EPS15: variants seen among roughly 807,000 people sequenced by gnomAD.
The protein encoded by EPS15 is epidermal growth factor receptor pathway substrate 15, also known as epidermal growth factor receptor substrate 15.
Under a neutral mutation model 113.8 loss-of-function variants are expected in EPS15, and 72 were observed. The ratio of observed to expected loss-of-function variants is 0.63; its 90% CI spans 0.52 to 0.77. The LOEUF (loss-of-function observed/expected upper bound fraction) is 0.77, where lower values mean the gene tolerates loss of function less well. Among genes scored for constraint, EPS15 ranks in the 30% least tolerant of loss-of-function variants. The pLI is 0.00. For missense variants in EPS15, 1,048 were observed against 1,045.8 expected (o/e 1.00, Z -0.03); for synonymous variants, 344 against 363.4 (o/e 0.95, Z 0.61).
chr1:51,488,472 T>TAAAAAAAAAAAAAA (rs71063033), intron 1 of EPS15, among the ~76,000 whole-genome samples: 97 of 85,288 alleles, frequency 1.1e-3, no homozygotes, highest in Non-Finnish European at 1.5e-3. Flanking sequence ...TAAAGTTTTG[T>TAAAAAAAAAAAAAA]AAAAAAAAAA....
intron 13 of EPS15, among the ~76,000 whole-genome samples, chr1:51,420,230 A>T (rs186279469): frequency 3.9e-5 from 6 of 152,292 alleles, no homozygotes; most frequent in African/African-American, 1.2e-4. Context: ...CTGATGGACA[A>T]CAAAACTTCT....
intron 13 of EPS15, among the ~76,000 whole-genome samples, chr1:51,415,468 T>C (rs1650116417): frequency 6.6e-6 from 1 of 152,036 alleles, no homozygotes; most frequent in African/African-American, 2.4e-5. Context: ...AATTAATGTC[T>C]CTCTATGTCT....
chr1:51,365,645 CAG>C lies in EPS15; in HGVS notation c.2196+306_2196+307del, dbSNP rs1646491706. Among the ~76,000 whole-genome samples, 3 of 152,238 alleles carry C rather than the reference CAG, an allele frequency of 2.0e-5. No individual in the cohort carries two copies. The South Asian group carries it at 6.2e-4, about 32-fold the overall frequency. Reference sequence around the variant, plus strand: ...TACACCTATTGACCCAGACAGTCAACAGGGGGAAAATGTGGTTCAATTGGGAG... The same window carrying C: ...TACACCTATTGACCCAGACAGTCAACGGGGAAAATGTGGTTCAATTGGGAG... On this transcript the variant is annotated intron_variant, in intron 22 of 24. Coordinates refer to ENST00000371733, the MANE Select transcript of EPS15 (RefSeq NM_001981.3).
chr1:51,410,796 T>C (rs1649640408), intron 13 of EPS15, among the ~76,000 whole-genome samples: 1 of 152,222 alleles, frequency 6.6e-6, no homozygotes, highest in Non-Finnish European at 1.5e-5. Context: ...GGTCTCTGAA[T>C]TACTGCATAG....
At chr1:51,382,094 A>G (rs1171051984) in intron 21 of EPS15, among the ~76,000 whole-genome samples, 1 of 152,208 alleles carries the variant, frequency 6.6e-6, no homozygotes, top group Admixed American at 6.5e-5. Context: ...ATCAGAAATG[A>G]AAGAGGAGAC....
At chr1:51,452,778 G>A (rs948518316) in intron 8 of EPS15, among the ~76,000 whole-genome samples, 12 of 152,058 alleles carry the variant, frequency 7.9e-5, no homozygotes, top group Non-Finnish European at 1.5e-5. Flanking sequence ...ACAATACCAC[G>A]CTGTCCTTTA....
At chr1:51,463,530 G>T in intron 7 of EPS15, 143 bp downstream of exon 7, 1 of 518,548 alleles carries the variant, frequency 1.9e-6, no homozygotes, top group Non-Finnish European at 3.3e-6. Flanking sequence ...TATACATTAA[G>T]TCAGAAAACA....
chr1:51,474,698 A>G (rs1000353285), intron 2 of EPS15, among the ~76,000 whole-genome samples: 7 of 151,924 alleles, frequency 4.6e-5, no homozygotes, highest in African/African-American at 1.5e-4. Flanking sequence ...TATTATTATT[A>G]TACTTTAAGT....
intron 2 of EPS15, among the ~76,000 whole-genome samples, chr1:51,478,575 T>A (rs1390418542): frequency 2.6e-5 from 4 of 151,582 alleles, no homozygotes; most frequent in Non-Finnish European, 4.4e-5. Flanking sequence ...ATTTGGCATG[T>A]TTTTGCAGTG....
chr1:51,418,665 TAAAG>T lies in EPS15; in HGVS notation c.1113+3117_1113+3120del, dbSNP rs1650472031. Among the ~76,000 whole-genome samples the T allele has an allele frequency of 3.3e-5, 5 of 152,186 alleles. No homozygotes were observed. In the South Asian group the frequency reaches 1.0e-3, roughly 32 times the overall value. ...GAGCTTAAAGGTGAAGAGAAGATAATAAAGAGATGATTGTAGGGTGCGGAATAAT... is the reference window on the plus strand; with the variant it reads ...GAGCTTAAAGGTGAAGAGAAGATAATAGATGATTGTAGGGTGCGGAATAAT... On this transcript the variant is annotated intron_variant, in intron 13 of 24. Coordinates refer to ENST00000371733, the MANE Select transcript of EPS15 (RefSeq NM_001981.3).
At chr1:51,484,206 C>T (rs1474660435) in intron 1 of EPS15, among the ~76,000 whole-genome samples, 2 of 152,010 alleles carry the variant, frequency 1.3e-5, no homozygotes, top group African/African-American at 4.8e-5. Context: ...CTTGATTTAC[C>T]GTCATTGTCC....
intron 12 of EPS15, chr1:51,422,066 C>G: frequency 8.2e-7 from 1 of 1,215,538 alleles, no homozygotes; most frequent in Non-Finnish European, 1.0e-6. Flanking sequence ...ATTGCTTTCT[C>G]ACTAAAATGT....
chr1:51,504,299 A>T (rs538775251), intron 1 of EPS15, among the ~76,000 whole-genome samples: 3 of 152,260 alleles, frequency 2.0e-5, no homozygotes, highest in Non-Finnish European at 2.9e-5. Context: ...AGTCCCAGCT[A>T]CTGGGGAGGC....
chr1:51,482,337 T>G (rs1364483219), intron 1 of EPS15, among the ~76,000 whole-genome samples: 1 of 152,082 alleles, frequency 6.6e-6, no homozygotes, highest in Non-Finnish European at 1.5e-5. Context: ...GAGATAGCAG[T>G]ATGCACAAAG....
intron 21 of EPS15, among the ~76,000 whole-genome samples, chr1:51,382,060 A>C (rs892364700): frequency 6.6e-6 from 1 of 152,224 alleles, no homozygotes; most frequent in Non-Finnish European, 1.5e-5. Flanking sequence ...AGATGGGCTA[A>C]GAAAACAAGA....
intron 21 of EPS15, among the ~76,000 whole-genome samples, chr1:51,366,906 A>G (rs1222929926): frequency 6.6e-6 from 1 of 152,216 alleles, no homozygotes; most frequent in East Asian, 1.9e-4. Flanking sequence ...AAGGTCCTTG[A>G]AAACAGGCAA....
At chr1:51,494,514 T>C (rs1016987238) in intron 1 of EPS15, among the ~76,000 whole-genome samples, 6 of 152,230 alleles carry the variant, frequency 3.9e-5, no homozygotes, top group African/African-American at 1.4e-4. Context: ...TGAAACCATC[T>C]AAAAACTTTT....
chr1:51,471,763 A>C lies in EPS15; in HGVS notation c.166-26T>G, dbSNP rs771552350. On this transcript the variant is annotated intron_variant, in intron 3 of 24. Transcript: ENST00000371733. ...CTGAAATTTAGGGGGAAAAAATATC[A>C]ATGTATATTTTAAACAAAAGTCATC... 7.1e-5 allele frequency: 109 copies of C among 1,544,418 alleles called. No homozygotes were observed. In the East Asian group the frequency reaches 1.4e-3, roughly 20 times the overall value.
intron 21 of EPS15, among the ~76,000 whole-genome samples, chr1:51,383,145 T>C (rs927285380): frequency 6.6e-6 from 1 of 152,166 alleles, no homozygotes; most frequent in Non-Finnish European, 1.5e-5. Flanking sequence ...ATCATTTCAA[T>C]GGATGCAAAA....
Sources: gnomAD v4.1 joint callset for allele counts (sites outside exome capture counted in the v4.1 genomes callset) on GRCh38, gnomAD v4.1.1 for gene constraint, MANE v1.5 for transcripts, NCBI Gene and HGNC (gene_info 2026-07-23, HGNC 2026-07-21) for gene names.